Variants in KCTD9 observed in about 807,000 individuals in gnomAD.
The protein encoded by KCTD9 is BTB/POZ domain-containing protein KCTD9.
In KCTD9, 17 loss-of-function variants were observed where a neutral mutation model predicts 53.3. That is an observed-to-expected ratio of 0.32 (90% CI 0.22 to 0.48). The LOEUF (loss-of-function observed/expected upper bound fraction) is 0.48. Among genes scored for constraint, KCTD9 ranks in the 20% least tolerant of loss-of-function variants. The pLI is 0.99. For missense variants in KCTD9, 179 were observed against 465.5 expected, an observed-to-expected ratio of 0.38 and a Z score of 5.66; for synonymous variants, 128 against 162.7, an observed-to-expected ratio of 0.79 and a Z score of 1.62.
At chr8:25,440,061 T>G (rs1802090142) in intron 4 of KCTD9, among the ~76,000 whole-genome samples, 1 of 147,658 alleles carries the variant, frequency 6.8e-6, no homozygotes, top group African/African-American at 2.5e-5. Flanking sequence ...AAAAGCATGT[T>G]TTTTTTTTTT....
chr8:25,445,187 A>G (rs1802193704), intron 2 of KCTD9, among the ~76,000 whole-genome samples: 1 of 152,178 alleles, frequency 6.6e-6, no homozygotes, highest in Non-Finnish European at 1.5e-5. Flanking sequence ...AGTATTTCCT[A>G]CTTGTTCACC....
At chr8:25,449,809 T>A (rs984390487) in intron 1 of KCTD9, among the ~76,000 whole-genome samples, 3 of 152,062 alleles carry the variant, frequency 2.0e-5, no homozygotes, top group African/African-American at 7.3e-5. Context: ...ACAGTGCCAT[T>A]TTAAAGAGCA....
chr8:25,450,554 G>A, intron 1 of KCTD9: 1 of 671,022 alleles, frequency 1.5e-6, no homozygotes, highest in Non-Finnish European at 1.8e-6. Flanking sequence ...GCTCAAGCCT[G>A]TAATGCCGGC....
At chr8:25,445,819 A>C (rs1275900914) in intron 2 of KCTD9, among the ~76,000 whole-genome samples, 1 of 151,826 alleles carries the variant, frequency 6.6e-6, no homozygotes, top group Non-Finnish European at 1.5e-5. Context: ...TGAAGAGATG[A>C]ATTAGATTTT....
intron 6 of KCTD9, among the ~76,000 whole-genome samples, chr8:25,437,337 C>G (rs1802035782): frequency 6.6e-6 from 1 of 152,142 alleles, no homozygotes; most frequent in African/African-American, 2.4e-5. Flanking sequence ...GGATACGTTT[C>G]CAATTCTAGG....
rs192097022 is a variant in KCTD9 at position 25,446,820 on chromosome 8, T to C, written c.49-570A>G. 7.2e-5 allele frequency among the ~76,000 whole-genome samples: 11 copies of C among 152,324 alleles called. 1 individual carries two copies. In the East Asian group the frequency reaches 1.9e-3, roughly 27 times the overall value. On this transcript the variant is annotated intron_variant, in intron 1 of 11. Transcript: ENST00000221200. ...CAACTACCACAGAAAAGATAACTTCTCACCTCATTTATTTAATTCTTCACT... is the reference window on the plus strand; with the variant it reads ...CAACTACCACAGAAAAGATAACTTCCCACCTCATTTATTTAATTCTTCACT...
intron 1 of KCTD9, among the ~76,000 whole-genome samples, chr8:25,451,796 T>C (rs924989693): frequency 4.6e-5 from 7 of 152,178 alleles, no homozygotes; most frequent in Non-Finnish European, 8.8e-5. Flanking sequence ...TGCACATGCA[T>C]GTAAAATATT....
Position 25,430,083 on chromosome 8 carries a change from A to C in KCTD9, c.1054-110T>G, listed in dbSNP as rs531211340. 1.0e-4 allele frequency: 72 copies of C among 700,702 alleles called. No individual in the cohort carries two copies. In the African/African-American group the frequency reaches 1.1e-3, roughly 11 times the overall value. The allele number at this position is 700,702 out of a possible 1,614,324, so 43.4% of individuals were successfully genotyped here. A position where few individuals can be genotyped will look rare whatever the true frequency, so the allele number is the denominator to read the frequency against. Reference sequence around the variant, plus strand: ...ATTAGGAAAATGTTCTTATACAATAAAACTCAGTTAATTTCCGGAAAACTG... The same window carrying C: ...ATTAGGAAAATGTTCTTATACAATACAACTCAGTTAATTTCCGGAAAACTG... On this transcript the variant is annotated intron_variant, in intron 11 of 11. Coordinates refer to ENST00000221200, the MANE Select transcript of KCTD9 (RefSeq NM_017634.4).
intron 1 of KCTD9, among the ~76,000 whole-genome samples, chr8:25,454,565 T>C (rs1039712209): frequency 6.6e-5 from 10 of 152,088 alleles, no homozygotes; most frequent in African/African-American, 2.4e-4. Flanking sequence ...TTAAAAAGAA[T>C]AACGAAAATG....
intron 1 of KCTD9, among the ~76,000 whole-genome samples, chr8:25,447,535 G>A (rs1032132547): frequency 6.6e-6 from 1 of 152,238 alleles, no homozygotes; most frequent in African/African-American, 2.4e-5. Context: ...CTGGAATAGA[G>A]TGGACAGTTT....
At chr8:25,451,133 C>T (rs1325071502) in intron 1 of KCTD9, among the ~76,000 whole-genome samples, 2 of 152,126 alleles carry the variant, frequency 1.3e-5, no homozygotes, top group Non-Finnish European at 2.9e-5. Context: ...TTCGCACATA[C>T]TAACAATACC....
rs759772477 is a variant in KCTD9, at chr8:25,440,562, T to TACAC, written c.311+11_311+14dup. The TACAC allele has an allele frequency of 6.5e-7, 1 of 1,530,580 alleles. No homozygotes were observed. Among genetic ancestry groups the TACAC allele is most frequent in the Non-Finnish European group, 9.1e-7 (1 of 1,104,710 alleles). The allele number at this position is 1,530,580 out of a possible 1,614,324, so 94.8% of individuals were successfully genotyped here. A position where few individuals can be genotyped will look rare whatever the true frequency, so the allele number is the denominator to read the frequency against. On this transcript the variant is annotated intron_variant, in intron 4 of 11. Coordinates refer to ENST00000221200, the MANE Select transcript of KCTD9 (RefSeq NM_017634.4). ...TTTTGCATTCTCTTTCTAACACACA[T>TACAC]ACACACACACCTACCGTGTAGTTGT...
At chr8:25,447,516 C>G (rs1802236649) in intron 1 of KCTD9, among the ~76,000 whole-genome samples, 1 of 152,184 alleles carries the variant, frequency 6.6e-6, no homozygotes, top group Non-Finnish European at 1.5e-5. Flanking sequence ...GTCCTCTGTC[C>G]ACCAGTGACT....
chr8:25,435,515 G>A lies in KCTD9; in HGVS notation c.664-3C>T. 6.3e-7 allele frequency: 1 copy of A among 1,586,800 alleles called. No individual in the cohort carries two copies. ...TCAGCACCACTGAAGTTCAAACCCTGAAATAAAAAAGCACAAATTGTCACC... is the reference window on the plus strand; with the variant it reads ...TCAGCACCACTGAAGTTCAAACCCTAAAATAAAAAAGCACAAATTGTCACC... On this transcript the variant is annotated splice_polypyrimidine_tract_variant and splice_region_variant and intron_variant, in intron 8 of 11. Coordinates refer to ENST00000221200, the MANE Select transcript of KCTD9 (RefSeq NM_017634.4).
chr8:25,457,663 A>T (rs1802481283), intron 1 of KCTD9: 1 of 152,212 alleles, frequency 6.6e-6, no homozygotes, highest in African/African-American at 2.4e-5. Context: ...TCAACAAGAA[A>T]ATGCCCCCAT....
rs890176121 is a variant in KCTD9, at chr8:25,429,725, T to C, written c.*132A>G. The C allele has an allele frequency of 1.1e-5, 7 of 656,316 alleles. No individual in the cohort carries two copies. In the African/African-American group the frequency reaches 1.3e-4, roughly 12 times the overall value. The allele number at this position is 656,316 out of a possible 1,614,324, so 40.7% of individuals were successfully genotyped here. A position where few individuals can be genotyped will look rare whatever the true frequency, so the allele number is the denominator to read the frequency against. On this transcript the variant is annotated 3_prime_UTR_variant, in exon 12 of 12. Coordinates refer to ENST00000221200, the MANE Select transcript of KCTD9 (RefSeq NM_017634.4). ...CCTTATGCACCACTCAAAACAAGCA[T>C]AATCCTCTAAATGTTTTTTTTTTAA...
rs1056188629 is a variant in KCTD9 at position 25,440,688 on chromosome 8, T to C, written c.215-15A>G. On this transcript the variant is annotated splice_polypyrimidine_tract_variant and intron_variant, in intron 3 of 11. Transcript: ENST00000221200. ...TGTCTGAGGATCTAGAGATGACATGTAGAAAATAATACAAATATTAAGATT... is the reference window on the plus strand; with the variant it reads ...TGTCTGAGGATCTAGAGATGACATGCAGAAAATAATACAAATATTAAGATT... 6.7e-7 allele frequency: 1 copy of C among 1,496,866 alleles called. No homozygotes were observed. The highest frequency in any genetic ancestry group is 9.3e-7 in the Non-Finnish European group (1 of 1,073,172). The allele number at this position is 1,496,866 out of a possible 1,614,324, so 92.7% of individuals were successfully genotyped here.
At chr8:25,430,572 A>T (rs1801908498) in intron 11 of KCTD9, among the ~76,000 whole-genome samples, 1 of 152,074 alleles carries the variant, frequency 6.6e-6, no homozygotes, top group South Asian at 2.1e-4. Context: ...AAGAAAACAA[A>T]CTCAGGGCTC....
chr8:25,446,512 T>C (rs1307154693), intron 1 of KCTD9, among the ~76,000 whole-genome samples: 2 of 152,146 alleles, frequency 1.3e-5, no homozygotes, highest in African/African-American at 4.8e-5. Context: ...AGCGCTCCAG[T>C]TGTGAAGTAA....
Sources: gnomAD v4.1 joint callset for allele counts (sites outside exome capture counted in the v4.1 genomes callset) on GRCh38, gnomAD v4.1.1 for gene constraint, MANE v1.5 for transcripts, NCBI Gene and HGNC (gene_info 2026-07-23, HGNC 2026-07-21) for gene names.